ABCC11: variants seen among roughly 807,000 people sequenced by gnomAD.
The protein encoded by ABCC11 is ATP-binding cassette sub-family C member 11.
Under a neutral mutation model 149.3 loss-of-function variants are expected in ABCC11, and 135 were observed. That is an observed-to-expected ratio of 0.90 (90% confidence interval 0.79 to 1.04). The LOEUF (loss-of-function observed/expected upper bound fraction) is 1.04. Among genes scored for constraint, ABCC11 ranks in the 50% least tolerant of loss-of-function variants. The pLI is 0.00. For missense variants in ABCC11, 1,680 were observed against 1,722.1 expected (o/e 0.98, Z 0.43); for synonymous variants, 665 against 671.4 (o/e 0.99, Z 0.15).
At chr16:48,196,342 A>G in intron 17 of ABCC11, 21 bp from the exon 18 acceptor site, 1 of 1,610,600 alleles carries the variant, frequency 6.2e-7, no homozygotes, top group Non-Finnish European at 8.5e-7. Context: ...GTAGAAGAAG[A>G]GAAAAGTGGT....
intron 1 of ABCC11, among the ~76,000 whole-genome samples, chr16:48,235,459 A>C (rs529577790): frequency 6.6e-6 from 1 of 152,228 alleles, no homozygotes; most frequent in South Asian, 2.1e-4. Flanking sequence ...ATGAAACCCA[A>C]CGAAAATTAA....
chr16:48,216,958 A>T (rs539641724), intron 6 of ABCC11, among the ~76,000 whole-genome samples: 2 of 152,294 alleles, frequency 1.3e-5, no homozygotes, highest in African/African-American at 4.8e-5. Context: ...TCCACCAATC[A>T]CCTACTAATC....
At chr16:48,204,372 T>C (rs1317078604) in intron 13 of ABCC11, among the ~76,000 whole-genome samples, 1 of 152,108 alleles carries the variant, frequency 6.6e-6, no homozygotes, top group Non-Finnish European at 1.5e-5. Context: ...CAGTGGGAAC[T>C]GTTCAAACAA....
intron 6 of ABCC11, among the ~76,000 whole-genome samples, chr16:48,217,104 G>A (rs1567274307): frequency 6.6e-6 from 1 of 152,104 alleles, no homozygotes; most frequent in East Asian, 1.9e-4. Context: ...CAAAAACCCA[G>A]TGTCAAAGTA....
At chr16:48,192,483 C>A (rs748357349) in intron 20 of ABCC11, 37 bp downstream of exon 20, 1 of 1,606,354 alleles carries the variant, frequency 6.2e-7, no homozygotes, top group South Asian at 1.1e-5. Context: ...AAGTTCAGAG[C>A]TCAGCCTTCG....
chr16:48,224,985 T>C (rs772153242), intron 4 of ABCC11, among the ~76,000 whole-genome samples: 3 of 151,576 alleles, frequency 2.0e-5, no homozygotes, highest in Non-Finnish European at 4.4e-5. Flanking sequence ...ATCATGCCAC[T>C]GCACTCCAGC....
chr16:48,171,524 T>C (rs1965720858), intron 26 of ABCC11, among the ~76,000 whole-genome samples: 1 of 152,238 alleles, frequency 6.6e-6, no homozygotes, highest in African/African-American at 2.4e-5. Context: ...GAGGCCACTT[T>C]TCCTTAAGCC....
intron 18 of ABCC11, among the ~76,000 whole-genome samples, chr16:48,195,285 G>A (rs550721560): frequency 6.6e-6 from 1 of 152,160 alleles, no homozygotes; most frequent in Non-Finnish European, 1.5e-5. Flanking sequence ...AACATAGCAG[G>A]CACTTTGTAA....
intron 20 of ABCC11, among the ~76,000 whole-genome samples, chr16:48,192,012 G>A (rs1233154273): frequency 6.6e-6 from 1 of 152,164 alleles, no homozygotes; most frequent in Non-Finnish European, 1.5e-5. Flanking sequence ...GCCGGGCATG[G>A]TGGCTCACAC....
chr16:48,200,674 G>A, intron 14 of ABCC11, among the ~76,000 whole-genome samples, 195 bp from the exon 15 acceptor site: 1 of 152,180 alleles, frequency 6.6e-6, no homozygotes, highest in Non-Finnish European at 1.5e-5. Flanking sequence ...GAGCTTAAAA[G>A]CTGATCTCGT....
chr16:48,193,944 G>T lies in ABCC11; in HGVS notation c.2443C>A (p.Leu815Met). 6.2e-7 allele frequency: 1 copy of T among 1,613,990 alleles called. No homozygotes were observed. The highest frequency in any genetic ancestry group is 8.5e-7 in the Non-Finnish European group (1 of 1,179,872). The change falls in exon 19 of 30, where the codon CTG becomes ATG. Residue 815 changes from leucine to methionine, a missense_variant. By Grantham distance (15) the Leu-to-Met change is conservative. Coordinates refer to ENST00000356608, the MANE Select transcript of ABCC11 (RefSeq NM_001370497.1). ...VSCIIFFFVV[L>M]IVFLTIFSFW... is the part of the protein sequence containing the mutation. ...CTGAAGATCGTTAAGAAGACGATCA[G>T]CACCACGAAGAAGAAAATTATGCAA...
chr16:48,195,750 G>A (rs1967341931), intron 18 of ABCC11, among the ~76,000 whole-genome samples: 1 of 152,154 alleles, frequency 6.6e-6, no homozygotes, highest in South Asian at 2.1e-4. Context: ...GTGACCTTTT[G>A]CGATGTGGCC....
intron 1 of ABCC11, among the ~76,000 whole-genome samples, chr16:48,242,734 A>G (rs374590486): frequency 6.6e-6 from 1 of 152,242 alleles, no homozygotes; most frequent in South Asian, 2.1e-4. Flanking sequence ...GGATGAGTTC[A>G]TGTCCTTTGT....
chr16:48,214,250 G>A (rs564767870), intron 9 of ABCC11, among the ~76,000 whole-genome samples: 10 of 151,600 alleles, frequency 6.6e-5, no homozygotes, highest in East Asian at 3.9e-4. Flanking sequence ...CTTCTATAGC[G>A]CCCCCAACAC....
intron 22 of ABCC11, among the ~76,000 whole-genome samples, chr16:48,186,029 G>A (rs1966724853): frequency 6.6e-6 from 1 of 152,066 alleles, no homozygotes; most frequent in Non-Finnish European, 1.5e-5. Flanking sequence ...CTCTTCATCT[G>A]CTTATCTTAG....
intron 22 of ABCC11, 76 bp from the exon 23 acceptor site, chr16:48,184,702 C>A (rs567754626): frequency 1.4e-4 from 198 of 1,449,602 alleles, no homozygotes; most frequent in Non-Finnish European, 1.7e-4. Context: ...TAGATACCGG[C>A]TGCTTCCTCC....
Position 48,167,591 on chromosome 16 carries a change from G to C in ABCC11, c.3961C>G (p.Arg1321Gly), listed in dbSNP as rs751630465. The change falls in exon 29 of 30, where the codon CGT (arginine) becomes GGT (glycine). Residue 1321 changes from arginine to glycine, a missense_variant. Transcript: ENST00000356608. Reference sequence around the variant, plus strand: ...ACGGTGCAGCCCTGGAAGGCTTCACGGATTGTGCGCTGGATCAGGGTGTCT... The same window carrying C: ...ACGGTGCAGCCCTGGAAGGCTTCACCGATTGTGCGCTGGATCAGGGTGTCT... The part of the protein sequence containing the change: ...ETDTLIQRTI[R>G]EAFQGCTVLV... 4 of 1,612,438 alleles carry C rather than the reference G, an allele frequency of 2.5e-6. No homozygotes were observed. Among genetic ancestry groups the C allele is most frequent in the Middle Eastern group, 1.6e-4 (1 of 6,062 alleles).
chr16:48,216,031 TTC>T, intron 7 of ABCC11, 81 bp downstream of exon 7: 1 of 1,410,610 alleles, frequency 7.1e-7, no homozygotes, highest in Non-Finnish European at 9.8e-7. Context: ...AGAATCAATG[TTC>T]TCACTCAGAG....
intron 28 of ABCC11, among the ~76,000 whole-genome samples, chr16:48,168,501 G>A (rs1048292754): frequency 6.6e-6 from 1 of 152,142 alleles, no homozygotes; most frequent in African/African-American, 2.4e-5. Context: ...ATGTGTGTGA[G>A]CATGCATACA....
Sources: allele counts gnomAD v4.1 joint callset (sites outside exome capture counted in the v4.1 genomes callset), GRCh38; gene constraint gnomAD v4.1.1; transcripts MANE v1.5; gene names NCBI Gene and HGNC (gene_info 2026-07-23, HGNC 2026-07-21).